PARPBP: variants seen among roughly 807,000 people sequenced by gnomAD.
The protein encoded by PARPBP is PCNA-interacting partner.
In PARPBP, 52 loss-of-function variants were observed where a neutral mutation model predicts 50.0. That is an observed-to-expected ratio of 1.04 (90% CI 0.83 to 1.31). PARPBP has a LOEUF of 1.31. Ranked by LOEUF, PARPBP falls within the 50% of genes most tolerant of loss-of-function variation. The pLI is 0.00. For missense variants in PARPBP, 697 were observed against 672.0 expected (o/e 1.04, Z -0.41); for synonymous variants, 244 against 232.1 (o/e 1.05, Z -0.47).
At chr12:102,144,396 G>T (rs1202440423) in intron 2 of PARPBP, among the ~76,000 whole-genome samples, 1 of 152,116 alleles carries the variant, frequency 6.6e-6, no homozygotes, top group African/African-American at 2.4e-5. Flanking sequence ...CAGCTGGCAT[G>T]TTTTCCTAGC....
intron 9 of PARPBP, among the ~76,000 whole-genome samples, chr12:102,186,565 T>C (rs1253235258): frequency 6.6e-6 from 1 of 152,178 alleles, no homozygotes; most frequent in African/African-American, 2.4e-5. Context: ...CTTTTTAATT[T>C]ATTAAGCACT....
chr12:102,170,477 G>C (rs964476525), intron 6 of PARPBP, among the ~76,000 whole-genome samples: 7 of 152,184 alleles, frequency 4.6e-5, no homozygotes, highest in Non-Finnish European at 8.8e-5. Flanking sequence ...TAACACAATG[G>C]TATTTGTGTG....
intron 2 of PARPBP, 106 bp downstream of exon 2, chr12:102,124,147 G>C (rs2137018230): frequency 2.7e-6 from 2 of 750,910 alleles, no homozygotes; most frequent in Non-Finnish European, 4.4e-6. Context: ...TACATTATGT[G>C]CCCTTCTGTG....
chr12:102,134,909 C>T (rs1883395512), intron 2 of PARPBP, among the ~76,000 whole-genome samples: 1 of 152,096 alleles, frequency 6.6e-6, no homozygotes. Flanking sequence ...AACTCCTGGG[C>T]CCAAGGGATC....
chr12:102,128,474 G>A (rs895775682), intron 2 of PARPBP, among the ~76,000 whole-genome samples: 1 of 152,098 alleles, frequency 6.6e-6, no homozygotes, highest in South Asian at 2.1e-4. Flanking sequence ...CTCGTGATCT[G>A]CCCACCTCGG....
At chr12:102,177,843 T>A (rs1340193922) in intron 7 of PARPBP, among the ~76,000 whole-genome samples, 1 of 152,188 alleles carries the variant, frequency 6.6e-6, no homozygotes. Flanking sequence ...TCCTCCCTTT[T>A]ACCTTATTCT....
chr12:102,197,391 T>G lies in PARPBP; in HGVS notation c.*1100T>G. On this transcript the variant is annotated 3_prime_UTR_variant, in exon 11 of 11. Transcript: ENST00000327680. Reference sequence around the variant, plus strand: ...CCTGGCATGTAAGAAATATCGTCAGTCGTCCTAATGCATATTGTGACTGTT... The same window carrying G: ...CCTGGCATGTAAGAAATATCGTCAGGCGTCCTAATGCATATTGTGACTGTT... 1.1e-6 allele frequency: 1 copy of G among 881,856 alleles called. No individual in the cohort carries two copies. The highest frequency in any genetic ancestry group is 1.7e-6 in the Non-Finnish European group (1 of 577,046). 54.6% of individuals were successfully genotyped at this position (881,856 alleles called of 1,614,324 possible).
intron 6 of PARPBP, among the ~76,000 whole-genome samples, chr12:102,173,803 A>G (rs1888989855): frequency 3.3e-5 from 5 of 150,524 alleles, no homozygotes; most frequent in Admixed American, 3.3e-4. Flanking sequence ...CTTGCTTACT[A>G]TGCACAGCTT....
chr12:102,178,868 T>C, intron 8 of PARPBP, 98 bp downstream of exon 8: 1 of 728,200 alleles, frequency 1.4e-6, no homozygotes, highest in East Asian at 2.9e-5. Context: ...ACTACAGAAA[T>C]TGTGAAGAAA....
At chr12:102,195,520 A>G in intron 10 of PARPBP, 73 bp downstream of exon 10, 2 of 1,238,036 alleles carry the variant, frequency 1.6e-6, no homozygotes, top group South Asian at 2.8e-5. Flanking sequence ...CTTAAGTAAA[A>G]TTAGGTTATT....
chr12:102,182,521 ATTT>A, intron 8 of PARPBP, 25 bp from the exon 9 acceptor site: 2 of 1,469,378 alleles, frequency 1.4e-6, no homozygotes, highest in Non-Finnish European at 1.9e-6. Flanking sequence ...ATAGCAATAA[ATTT>A]TTGCCTTTTT....
At chr12:102,174,935 A>G (rs1889109193) in intron 6 of PARPBP, among the ~76,000 whole-genome samples, 1 of 152,210 alleles carries the variant, frequency 6.6e-6, no homozygotes, top group South Asian at 2.1e-4. Flanking sequence ...TTCACTTATT[A>G]GAATGCAATA....
chr12:102,194,726 T>A (rs1212743528), intron 9 of PARPBP, among the ~76,000 whole-genome samples: 5 of 151,890 alleles, frequency 3.3e-5, no homozygotes, highest in African/African-American at 4.8e-5. Context: ...ATACATTGAA[T>A]CATCTTTCTT....
At chr12:102,190,499 G>GT (rs1890697655) in intron 9 of PARPBP, among the ~76,000 whole-genome samples, 1 of 152,102 alleles carries the variant, frequency 6.6e-6, no homozygotes, top group Admixed American at 6.6e-5. Flanking sequence ...TTCATACTCT[G>GT]AAGAATACTC....
At chr12:102,128,830 G>T (rs1355122253) in intron 2 of PARPBP, among the ~76,000 whole-genome samples, 2 of 152,032 alleles carry the variant, frequency 1.3e-5, no homozygotes, top group Non-Finnish European at 2.9e-5. Flanking sequence ...ATTTCCTTTG[G>T]ATATATACCC....
At chr12:102,136,548 G>A (rs908147101) in intron 2 of PARPBP, among the ~76,000 whole-genome samples, 3 of 152,108 alleles carry the variant, frequency 2.0e-5, no homozygotes, top group Non-Finnish European at 4.4e-5. Context: ...ATTTGTTTAC[G>A]TAGCAGTCAC....
chr12:102,186,465 A>G (rs183586359), intron 9 of PARPBP, among the ~76,000 whole-genome samples: 3 of 152,062 alleles, frequency 2.0e-5, no homozygotes, highest in Non-Finnish European at 2.9e-5. Flanking sequence ...TTGCTATAAA[A>G]TTTCCTCTTA....
At chr12:102,147,433 G>C (rs1488004836) in intron 2 of PARPBP, among the ~76,000 whole-genome samples, 1 of 152,000 alleles carries the variant, frequency 6.6e-6, no homozygotes, top group Non-Finnish European at 1.5e-5. Flanking sequence ...GGATGAAATT[G>C]GAAATCATCA....
chr12:102,128,393 G>A lies in PARPBP; in HGVS notation c.153+4352G>A, dbSNP rs922910539. The stretch of plus-strand genomic sequence containing the variant: ...ACTGCAGGCACCCGCCACCACACCC[G>A]GCTAATTTTTTGTATTTTTAGTAAA... On this transcript the variant is annotated intron_variant, in intron 2 of 10. Coordinates refer to ENST00000327680, the MANE Select transcript of PARPBP (RefSeq NM_017915.5). Among the ~76,000 whole-genome samples, 7 of 152,132 alleles carry A rather than the reference G, an allele frequency of 4.6e-5. No homozygotes were observed. In the East Asian group the frequency reaches 9.7e-4, roughly 21 times the overall value.
Sources: allele counts gnomAD v4.1 joint callset (sites outside exome capture counted in the v4.1 genomes callset), GRCh38; gene constraint gnomAD v4.1.1; transcripts MANE v1.5; gene names NCBI Gene and HGNC (gene_info 2026-07-23, HGNC 2026-07-21).